Variants in INTS6 observed in about 807,000 individuals in gnomAD.
INTS6 encodes integrator complex subunit 6.
INTS6 carries 16 observed loss-of-function variants against 104.9 expected under a neutral mutation model. The ratio of observed to expected loss-of-function variants is 0.15; its 90% CI spans 0.10 to 0.23. The LOEUF is 0.23. Ranked by LOEUF, INTS6 falls within the 10% of genes least tolerant of loss-of-function variation. The pLI is 1.00. For missense variants in INTS6, 584 were observed against 1,062.8 expected, an observed-to-expected ratio of 0.55 and a Z score of 6.26; for synonymous variants, 324 against 358.7, an observed-to-expected ratio of 0.90 and a Z score of 1.09.
chr13:51,405,009 A>C (rs1593716763), intron 4 of INTS6, among the ~76,000 whole-genome samples: 1 of 152,208 alleles, frequency 6.6e-6, no homozygotes, highest in African/African-American at 2.4e-5. Flanking sequence ...AATATGCATA[A>C]AGTACAAAAG....
At chr13:51,379,713 GTTT>G in intron 10 of INTS6, 141 bp from the exon 11 acceptor site, 1 of 446,014 alleles carries the variant, frequency 2.2e-6, no homozygotes, top group Admixed American at 4.1e-5. Flanking sequence ...TCGTATTTAT[GTTT>G]CAGTAAAATG....
chr13:51,365,062 G>C lies in INTS6; in HGVS notation c.*690C>G, dbSNP rs533720620. 5.2e-5 allele frequency: 8 copies of C among 152,582 alleles called. No individual in the cohort carries two copies. Among genetic ancestry groups the C allele is most frequent in the Admixed American group, 4.6e-4 (7 of 15,254 alleles). The allele number at this position is 152,582 out of a possible 1,614,324, so 9.5% of individuals were successfully genotyped here. A position where few individuals can be genotyped will look rare whatever the true frequency, so the allele number is the denominator to read the frequency against. On this transcript the variant is annotated 3_prime_UTR_variant, in exon 18 of 18. Coordinates refer to ENST00000311234, the MANE Select transcript of INTS6 (RefSeq NM_012141.3). ...AAAACTACGAACATATAGTAAAAAG[G>C]CAATGCAGATTATGTAACATGTAAT...
Position 51,379,456 on chromosome 13 carries a change from T to C in INTS6, c.1386+6A>G, listed in dbSNP as rs1307325358. ...CTTAATGGCTCACTCTATTTCTTGATATTACCTGTTGACTCAGTTTTTTGA... is the reference window on the plus strand; with the variant it reads ...CTTAATGGCTCACTCTATTTCTTGACATTACCTGTTGACTCAGTTTTTTGA... On this transcript the variant is annotated splice_donor_region_variant and intron_variant, in intron 11 of 17. Coordinates refer to ENST00000311234, the MANE Select transcript of INTS6 (RefSeq NM_012141.3). The C allele has an allele frequency of 7.2e-6, 11 of 1,537,322 alleles. No individual in the cohort carries two copies. Among genetic ancestry groups the C allele is most frequent in the Non-Finnish European group, 9.8e-6 (11 of 1,121,412 alleles).
At chr13:51,421,496 C>G (rs1956894842) in intron 4 of INTS6, 1 of 159,532 alleles carries the variant, frequency 6.3e-6, no homozygotes, top group Non-Finnish European at 1.3e-5. Flanking sequence ...GTTTCAATGT[C>G]TTTCTAGTCA....
At chr13:51,387,356 T>C (rs749228689) in intron 7 of INTS6, 30 bp downstream of exon 7, 1 of 1,578,126 alleles carries the variant, frequency 6.3e-7, no homozygotes, top group South Asian at 1.2e-5. Flanking sequence ...GAATGGTTAC[T>C]ATTACATAGT....
At chr13:51,432,161 G>C (rs1022629803) in intron 3 of INTS6, among the ~76,000 whole-genome samples, 3 of 151,944 alleles carry the variant, frequency 2.0e-5, no homozygotes, top group Non-Finnish European at 4.4e-5. Context: ...ATGGCCTTTA[G>C]TAATCACATC....
At chr13:51,344,260 G>T in the INTS6 span, 18 of 1,613,586 alleles carry the variant, frequency 1.1e-5, no homozygotes, top group African/African-American at 2.0e-4. Flanking sequence ...AGACAAAAGG[G>T]TGAAAGATTT....
the INTS6 span, chr13:51,348,114 T>C: frequency 3.0e-3 from 2,681 of 889,910 alleles, 55 homozygotes; most frequent in African/African-American, 0.037. Context: ...TCGGTTTTAT[T>C]GTTTCCAGTC....
chr13:51,401,966 T>A (rs1046781838), intron 4 of INTS6, among the ~76,000 whole-genome samples: 8 of 152,142 alleles, frequency 5.3e-5, no homozygotes, highest in Non-Finnish European at 7.4e-5. Context: ...AGAAAAAAAA[T>A]TTAAATTAAT....
chr13:51,342,257 G>C, the INTS6 span, among the ~76,000 whole-genome samples: 722 of 151,530 alleles, frequency 4.8e-3, 8 homozygotes, highest in African/African-American at 0.017. Flanking sequence ...GCTGTCCTAG[G>C]CAGGGTCATC....
intron 15 of INTS6, among the ~76,000 whole-genome samples, chr13:51,373,878 C>T (rs1955863091): frequency 6.6e-6 from 1 of 152,200 alleles, no homozygotes; most frequent in Non-Finnish European, 1.5e-5. Context: ...AAATAGCATA[C>T]ATATTTAATA....
intron 9 of INTS6, 86 bp from the exon 10 acceptor site, chr13:51,382,209 C>A: frequency 1.5e-6 from 1 of 685,202 alleles, no homozygotes; most frequent in Non-Finnish European, 2.3e-6. Flanking sequence ...TTTTTAAAGT[C>A]TGCTTTGTTA....
chr13:51,402,350 T>C (rs1481682761), intron 4 of INTS6, among the ~76,000 whole-genome samples: 1 of 152,206 alleles, frequency 6.6e-6, no homozygotes, highest in Non-Finnish European at 1.5e-5. Context: ...ACCCATGCTA[T>C]ATCATCAAGT....
rs2137844326 is a variant in INTS6, at chr13:51,364,887, T to C, written c.*865A>G. 6.6e-6 allele frequency: 1 copy of C among 152,350 alleles called. No homozygotes were observed. Among genetic ancestry groups the C allele is most frequent in the East Asian group, 1.9e-4 (1 of 5,186 alleles). 9.4% of individuals were successfully genotyped at this position (152,350 alleles called of 1,614,324 possible). On this transcript the variant is annotated 3_prime_UTR_variant, in exon 18 of 18. Coordinates refer to ENST00000311234, the MANE Select transcript of INTS6 (RefSeq NM_012141.3). ...AGCTTCGTGCCATCCACAATCCTAGTGATAAAGGAAAAGGTGTTGAAGTAA... is the reference window on the plus strand; with the variant it reads ...AGCTTCGTGCCATCCACAATCCTAGCGATAAAGGAAAAGGTGTTGAAGTAA...
chr13:51,451,246 C>T (rs1953035817), intron 2 of INTS6, 72 bp from the exon 3 acceptor site: 4 of 1,267,516 alleles, frequency 3.2e-6, no homozygotes, highest in Non-Finnish European at 4.2e-6. Flanking sequence ...TATAATCTGA[C>T]GTTCACCAAG....
At chr13:51,393,627 A>C (rs544092789) in intron 5 of INTS6, among the ~76,000 whole-genome samples, 1 of 152,346 alleles carries the variant, frequency 6.6e-6, no homozygotes, top group South Asian at 2.1e-4. Context: ...ATAAACTATC[A>C]CATCAGGAAG....
chr13:51,394,481 G>A (rs1228725744), intron 5 of INTS6, among the ~76,000 whole-genome samples: 1 of 152,072 alleles, frequency 6.6e-6, no homozygotes, highest in African/African-American at 2.4e-5. Flanking sequence ...AATCTCATTA[G>A]CGCACCAACT....
chr13:51,404,063 T>TACACACACACACACACAC (rs71085082), intron 4 of INTS6, among the ~76,000 whole-genome samples: 36 of 109,644 alleles, frequency 3.3e-4, no homozygotes, highest in East Asian at 8.1e-4. Context: ...TCTCTACAAA[T>TACACACACACACACACAC]ACACACACAC....
chr13:51,369,093 A>G lies in INTS6; in HGVS notation c.2322T>C (p.His774=). 1 of 1,613,798 alleles carries G rather than the reference A, an allele frequency of 6.2e-7. No individual in the cohort carries two copies. Among genetic ancestry groups the G allele is most frequent in the Non-Finnish European group, 8.5e-7 (1 of 1,179,820 alleles). Reference sequence around the variant, plus strand: ...ATTGTTCTTTATCTCTTGGCTCCTCATGATTTTCTAAAAATCCACCAACAG... The same window carrying G: ...ATTGTTCTTTATCTCTTGGCTCCTCGTGATTTTCTAAAAATCCACCAACAG... ...DLTVGGFLEN[H]EEPRDKEQCA... Residue 774 remains histidine (H), a synonymous_variant, in exon 16 of 18, where the codon CAT becomes CAC. Coordinates refer to ENST00000311234, the MANE Select transcript of INTS6 (RefSeq NM_012141.3).
Sources: allele counts gnomAD v4.1 joint callset (sites outside exome capture counted in the v4.1 genomes callset), GRCh38; gene constraint gnomAD v4.1.1; transcripts MANE v1.5; gene names NCBI Gene and HGNC (gene_info 2026-07-23, HGNC 2026-07-21).